The following ANGPT1 variants were observed in gnomAD, a reference collection of about 807,000 sequenced individuals.
ANGPT1 encodes the protein angiopoietin 1.
In ANGPT1, 17 loss-of-function variants were observed where a neutral mutation model predicts 62.2. The observed-to-expected ratio is 0.27, with a 90% CI of 0.19 to 0.41. ANGPT1 has a LOEUF of 0.41. Ranked by LOEUF, ANGPT1 falls within the 10% of genes least tolerant of loss-of-function variation. The pLI, the probability that ANGPT1 is intolerant of heterozygous loss-of-function variation, is 1.00. For missense variants in ANGPT1, 478 were observed against 594.9 expected (o/e 0.80, Z 2.04); for synonymous variants, 199 against 198.9 (o/e 1.00, Z 0.00).
At chr8:107,393,942 A>G (rs1816884970) in intron 1 of ANGPT1, among the ~76,000 whole-genome samples, 1 of 152,222 alleles carries the variant, frequency 6.6e-6, no homozygotes, top group African/African-American at 2.4e-5. Context: ...GTGAAAATAT[A>G]TAGGGACTCC....
intron 8 of ANGPT1, among the ~76,000 whole-genome samples, chr8:107,257,214 C>T (rs1464088498): frequency 6.6e-6 from 1 of 152,190 alleles, no homozygotes; most frequent in East Asian, 1.9e-4. Flanking sequence ...CATTTTTCTT[C>T]ATAACCTGTA....
intron 4 of ANGPT1, among the ~76,000 whole-genome samples, chr8:107,311,373 A>G (rs1814859806): frequency 6.6e-6 from 1 of 152,082 alleles, no homozygotes; most frequent in African/African-American, 2.4e-5. Context: ...TTTCTCTTCC[A>G]AAAAAAGAAA....
At chr8:107,356,111 T>C (rs529900664) in intron 1 of ANGPT1, among the ~76,000 whole-genome samples, 2 of 152,312 alleles carry the variant, frequency 1.3e-5, no homozygotes, top group Admixed American at 6.5e-5. Flanking sequence ...ATGATCCCCT[T>C]TTGAATGGCA....
At chr8:107,299,628 G>C (rs5011240) in intron 5 of ANGPT1, among the ~76,000 whole-genome samples, 1 of 135,342 alleles carries the variant, frequency 7.4e-6, no homozygotes, top group Non-Finnish European at 1.6e-5. Context: ...TCTATATATA[G>C]ATCTCTATAT....
chr8:107,290,257 G>T (rs904115515), intron 6 of ANGPT1, among the ~76,000 whole-genome samples: 1 of 152,092 alleles, frequency 6.6e-6, no homozygotes, highest in East Asian at 1.9e-4. Context: ...ACTATGAAGG[G>T]AAGGAAGGAG....
At position 107,453,472 on chromosome 8, in the gene ANGPT1, C is replaced by A. The variant is rs192956555; in HGVS notation, c.297+43790G>T. Among the ~76,000 whole-genome samples, 376 of 151,874 alleles carry A rather than the reference C, an allele frequency of 2.5e-3. 5 individuals are homozygous for A. The highest frequency in any genetic ancestry group is 8.8e-3 in the African/African-American group (363 of 41,460). ...TGGATGGCAGCAGGCAAAGAGAGAG[C>A]ACTTATACAGGGAAACTCCCCCTTA... On this transcript the variant is annotated intron_variant, in intron 1 of 8. Coordinates refer to ENST00000517746, the MANE Select transcript of ANGPT1 (RefSeq NM_001146.5).
intron 1 of ANGPT1, among the ~76,000 whole-genome samples, chr8:107,423,199 C>T (rs1248780507): frequency 6.6e-6 from 1 of 152,108 alleles, no homozygotes; most frequent in East Asian, 1.9e-4. Flanking sequence ...TAAATCAAGC[C>T]TACTTTCTCT....
chr8:107,389,271 T>C lies in ANGPT1; in HGVS notation c.298-42174A>G, dbSNP rs191344239. Among the ~76,000 whole-genome samples the C allele has an allele frequency of 1.9e-3, 289 of 152,306 alleles. 1 individual carries two copies. Among genetic ancestry groups the C allele is most frequent in the African/African-American group, 5.5e-3 (230 of 41,584 alleles). ...TTCTTCCTATCTCTTGGGTTTGTTCTGATCATGGCAAGGACTACGTGCTAT... is the reference window on the plus strand; with the variant it reads ...TTCTTCCTATCTCTTGGGTTTGTTCCGATCATGGCAAGGACTACGTGCTAT... On this transcript the variant is annotated intron_variant, in intron 1 of 8. Coordinates refer to ENST00000517746, the MANE Select transcript of ANGPT1 (RefSeq NM_001146.5).
intron 6 of ANGPT1, among the ~76,000 whole-genome samples, chr8:107,289,567 G>A (rs1416458941): frequency 6.6e-6 from 1 of 152,092 alleles, no homozygotes; most frequent in Non-Finnish European, 1.5e-5. Flanking sequence ...TAAATGCTGA[G>A]ACGTGCAACT....
At chr8:107,473,133 G>A (rs549291314) in intron 1 of ANGPT1, among the ~76,000 whole-genome samples, 3 of 151,990 alleles carry the variant, frequency 2.0e-5, no homozygotes, top group African/African-American at 7.2e-5. Flanking sequence ...TTATTTCTAG[G>A]CATAAATATG....
At chr8:107,452,026 G>A (rs989599600) in intron 1 of ANGPT1, among the ~76,000 whole-genome samples, 2 of 151,384 alleles carry the variant, frequency 1.3e-5, no homozygotes, top group Admixed American at 6.6e-5. Context: ...CTATTTACAT[G>A]TGTGTTCGTG....
At chr8:107,348,797 C>T (rs965185203) in intron 1 of ANGPT1, among the ~76,000 whole-genome samples, 1 of 152,116 alleles carries the variant, frequency 6.6e-6, no homozygotes, top group Admixed American at 6.6e-5. Context: ...GGGAAGTTAT[C>T]GTTTTGCCCT....
chr8:107,267,069 G>A lies in ANGPT1; in HGVS notation c.1206-2718C>T, dbSNP rs964080022. Among the ~76,000 whole-genome samples, 16 of 151,558 alleles carry A rather than the reference G, an allele frequency of 1.1e-4. No individual in the cohort carries two copies. The East Asian group carries it at 1.2e-3, about 11-fold the overall frequency. ...ATATTATTTATTTTTAAATATATAC[G>A]TATCTGAACACATTCTTATAAAATT... On this transcript the variant is annotated intron_variant, in intron 7 of 8. Coordinates refer to ENST00000517746, the MANE Select transcript of ANGPT1 (RefSeq NM_001146.5).
chr8:107,319,150 G>A (rs546685578), intron 4 of ANGPT1, among the ~76,000 whole-genome samples: 2 of 152,254 alleles, frequency 1.3e-5, no homozygotes, highest in Admixed American at 6.5e-5. Context: ...TGGGATCTTC[G>A]CTTGTATATT....
chr8:107,348,850 A>T (rs1815869099), intron 1 of ANGPT1, among the ~76,000 whole-genome samples: 1 of 152,144 alleles, frequency 6.6e-6, no homozygotes. Context: ...GCCTAGCATC[A>T]CAAATGAGTA....
At chr8:107,479,116 T>C (rs112848597) in intron 1 of ANGPT1, among the ~76,000 whole-genome samples, 4,260 of 150,738 alleles carry the variant, frequency 0.028, 64 homozygotes, top group Middle Eastern at 0.069. Context: ...TATTCAAAGA[T>C]TGTGGGTAAT....
At chr8:107,416,095 C>A (rs2130366871) in intron 1 of ANGPT1, among the ~76,000 whole-genome samples, 1 of 152,236 alleles carries the variant, frequency 6.6e-6, no homozygotes, top group Non-Finnish European at 1.5e-5. Flanking sequence ...AGCAATCAAT[C>A]AATCAATTCT....
Position 107,409,111 on chromosome 8 carries a change from G to A in ANGPT1, c.298-62014C>T, listed in dbSNP as rs187041291. ...CAACTCCTCTCTGATTAATCCAAAGGCAACTGATAGATGAAAAATCAAATG... is the reference window on the plus strand; with the variant it reads ...CAACTCCTCTCTGATTAATCCAAAGACAACTGATAGATGAAAAATCAAATG... On this transcript the variant is annotated intron_variant, in intron 1 of 8. Coordinates refer to ENST00000517746, the MANE Select transcript of ANGPT1 (RefSeq NM_001146.5). Among the ~76,000 whole-genome samples the A allele has an allele frequency of 2.4e-4, 36 of 152,168 alleles. No individual in the cohort carries two copies. In the East Asian group the frequency reaches 6.4e-3, roughly 27 times the overall value.
At chr8:107,262,658 G>A (rs1234200518) in intron 8 of ANGPT1, among the ~76,000 whole-genome samples, 1 of 152,174 alleles carries the variant, frequency 6.6e-6, no homozygotes, top group Non-Finnish European at 1.5e-5. Flanking sequence ...ATGAAATCAT[G>A]TTTTGTAACA....
Sources: allele counts gnomAD v4.1 joint callset (sites outside exome capture counted in the v4.1 genomes callset), GRCh38; gene constraint gnomAD v4.1.1; transcripts MANE v1.5; gene names NCBI Gene and HGNC (gene_info 2026-07-23, HGNC 2026-07-21).